DRC1: variants seen among roughly 807,000 people sequenced by gnomAD.
DRC1 encodes the protein dynein regulatory complex subunit 1.
DRC1 carries 74 observed loss-of-function variants against 98.7 expected under a neutral mutation model. That is an observed-to-expected ratio of 0.75 (90% CI 0.62 to 0.91). The LOEUF is 0.91. DRC1 is among the 40% of genes least tolerant of loss of function. The pLI is 0.00. For synonymous variants in DRC1, 336 were observed against 334.1 expected (o/e 1.01, Z -0.06); for missense variants, 875 against 886.0 (o/e 0.99, Z 0.16).
At chr2:26,435,372 G>T (rs1397524398) in intron 7 of DRC1, among the ~76,000 whole-genome samples, 1 of 152,028 alleles carries the variant, frequency 6.6e-6, no homozygotes, top group African/African-American at 2.4e-5. Flanking sequence ...AAATATCTTT[G>T]GATAATTGAA....
intron 1 of DRC1, among the ~76,000 whole-genome samples, chr2:26,412,304 G>T (rs1678639484): frequency 6.6e-6 from 1 of 152,148 alleles, no homozygotes; most frequent in South Asian, 2.1e-4. Flanking sequence ...GGAGGCAGAG[G>T]TTGCAGTGAG....
intron 12 of DRC1, 111 bp downstream of exon 12, chr2:26,450,196 C>T (rs928913598): frequency 1.0e-6 from 1 of 975,596 alleles, no homozygotes; most frequent in South Asian, 1.5e-5. Flanking sequence ...CCCGGGGCTT[C>T]CCCTGCTCCC....
chr2:26,412,842 A>G (rs1365479738), intron 1 of DRC1, among the ~76,000 whole-genome samples: 1 of 152,100 alleles, frequency 6.6e-6, no homozygotes, highest in Non-Finnish European at 1.5e-5. Context: ...CAGTGGCGCT[A>G]TCTCGGCTCG....
intron 10 of DRC1, among the ~76,000 whole-genome samples, chr2:26,446,954 A>ATGG (rs1663867947): frequency 6.6e-6 from 1 of 152,034 alleles, no homozygotes; most frequent in African/African-American, 2.4e-5. Context: ...TTAGCCGGTC[A>ATGG]TGGCGTGCGC....
intron 4 of DRC1, among the ~76,000 whole-genome samples, chr2:26,428,532 C>T (rs571682676): frequency 6.6e-6 from 1 of 152,354 alleles, no homozygotes; most frequent in South Asian, 2.1e-4. Flanking sequence ...GGCACGGTGG[C>T]TCACGCCTGT....
intron 1 of DRC1, among the ~76,000 whole-genome samples, chr2:26,403,600 G>A (rs1678321921): frequency 6.6e-6 from 1 of 152,032 alleles, no homozygotes; most frequent in African/African-American, 2.4e-5. Flanking sequence ...TTCAAGACCA[G>A]CCTGGCCAAC....
intron 5 of DRC1, 162 bp from the exon 6 acceptor site, chr2:26,430,624 A>G (rs778631469): frequency 5.2e-6 from 4 of 771,616 alleles, no homozygotes; most frequent in Admixed American, 1.8e-5. Flanking sequence ...AGCTCCTTCC[A>G]TAGCCATTTG....
Position 26,424,355 on chromosome 2 carries a change from G to C in DRC1, c.441G>C (p.Lys147Asn). 6.2e-7 allele frequency: 1 copy of C among 1,613,914 alleles called. No homozygotes were observed. The highest frequency in any genetic ancestry group is 8.5e-7 in the Non-Finnish European group (1 of 1,180,000). Residue 147 changes from lysine to asparagine, a missense_variant, in exon 4 of 17, where the codon AAG becomes AAC. By Grantham distance (94) the Lys-to-Asn change is moderately conservative (BLOSUM62 0). Coordinates refer to ENST00000288710, the MANE Select transcript of DRC1 (RefSeq NM_145038.5). ...ITSKWEEGKQ[K>N]RIPQELWEML... is the part of the protein sequence containing the mutation. Reference sequence around the variant, plus strand: ...CAAAGTGGGAAGAGGGCAAGCAGAAGAGAATTCCCCAAGAGCTGTGGGAAA... The same window carrying C: ...CAAAGTGGGAAGAGGGCAAGCAGAACAGAATTCCCCAAGAGCTGTGGGAAA...
chr2:26,425,357 C>T (rs1053810013), intron 4 of DRC1, among the ~76,000 whole-genome samples: 53 of 152,126 alleles, frequency 3.5e-4, no homozygotes, highest in Admixed American at 3.9e-4. Flanking sequence ...CACGTTTTGG[C>T]TTTTGTGAGT....
intron 12 of DRC1, 82 bp from the exon 13 acceptor site, chr2:26,450,510 T>C (rs1377003054): frequency 1.5e-6 from 2 of 1,297,190 alleles, no homozygotes; most frequent in Non-Finnish European, 2.2e-6. Context: ...CTCCCGCTCT[T>C]AGGAGCTGAG....
chr2:26,419,616 A>T (rs1188868208), intron 2 of DRC1, among the ~76,000 whole-genome samples: 1 of 152,202 alleles, frequency 6.6e-6, no homozygotes. Flanking sequence ...TTTTCATATA[A>T]TAGTGAGATC....
intron 8 of DRC1, among the ~76,000 whole-genome samples, chr2:26,441,624 G>T (rs1187706122): frequency 1.3e-5 from 2 of 152,196 alleles, no homozygotes; most frequent in African/African-American, 4.8e-5. Flanking sequence ...GTTAAGAGGA[G>T]ACTCCAGGTG....
chr2:26,412,484 A>G (rs1399073004), intron 1 of DRC1, among the ~76,000 whole-genome samples: 1 of 152,166 alleles, frequency 6.6e-6, no homozygotes, highest in Non-Finnish European at 1.5e-5. Flanking sequence ...AGGAGAGAGC[A>G]GGGTCTTGAT....
rs1404617845 is a variant in DRC1 at position 26,418,572 on chromosome 2, T to TATTATAA, written c.244-2710_244-2709insAATTATA. ...TTATATATAATTTATATATAATATATATTATATATAAATTATATATAATTT... is the reference window on the plus strand; with the variant it reads ...TTATATATAATTTATATATAATATATATTATAAATTATATATAAATTATATATAATTT... On this transcript the variant is annotated intron_variant, in intron 2 of 16. Transcript: ENST00000288710. Among the ~76,000 whole-genome samples, 28 of 106,562 alleles carry TATTATAA rather than the reference T, an allele frequency of 2.6e-4. 1 individual carries two copies. In the Admixed American group the frequency reaches 3.2e-3, roughly 12 times the overall value. The allele number at this position is 106,562 out of a possible 152,430, so 69.9% of individuals were successfully genotyped here.
intron 2 of DRC1, among the ~76,000 whole-genome samples, chr2:26,418,816 T>G (rs1051617733): frequency 7.4e-6 from 1 of 135,582 alleles, no homozygotes; most frequent in Non-Finnish European, 1.5e-5. Context: ...ATATATTGTA[T>G]AGTATATATA....
intron 2 of DRC1, among the ~76,000 whole-genome samples, chr2:26,418,620 A>AATTTATATAAT (rs1558438092): frequency 2.2e-5 from 2 of 89,438 alleles, no homozygotes; most frequent in Admixed American, 1.6e-4. Context: ...AATTATATAT[A>AATTTATATAAT]ATATAAATTA....
chr2:26,425,579 A>G (rs972254612), intron 4 of DRC1, among the ~76,000 whole-genome samples: 1 of 152,164 alleles, frequency 6.6e-6, no homozygotes, highest in Admixed American at 6.5e-5. Context: ...ATTCTCACTA[A>G]CACTTACATC....
intron 10 of DRC1, among the ~76,000 whole-genome samples, chr2:26,446,653 C>A (rs1452624096): frequency 1.3e-5 from 2 of 152,110 alleles, no homozygotes; most frequent in Non-Finnish European, 2.9e-5. Flanking sequence ...CATGCCTTCC[C>A]CACAGCACCA....
chr2:26,431,364 T>A (rs1466039943), intron 6 of DRC1, among the ~76,000 whole-genome samples: 5 of 152,190 alleles, frequency 3.3e-5, no homozygotes, highest in Admixed American at 6.5e-5. Flanking sequence ...TCTTGGGTGG[T>A]GGTGAGTACC....
Sources: gnomAD v4.1 joint callset for allele counts (sites outside exome capture counted in the v4.1 genomes callset) on GRCh38, gnomAD v4.1.1 for gene constraint, MANE v1.5 for transcripts, NCBI Gene and HGNC (gene_info 2026-07-23, HGNC 2026-07-21) for gene names.